The following PIAS2 variants were observed in gnomAD, a reference collection of about 807,000 sequenced individuals.
The protein encoded by PIAS2 is protein inhibitor of activated STAT 2.
PIAS2 carries 19 observed loss-of-function variants against 69.7 expected under a neutral mutation model. The ratio of observed to expected loss-of-function variants is 0.27; its 90% CI spans 0.19 to 0.40. PIAS2 has a LOEUF of 0.40. Among genes scored for constraint, PIAS2 ranks in the 10% least tolerant of loss-of-function variants. The probability of loss-of-function intolerance (pLI) is 1.00; values close to 1 mark genes in which losing one functional copy is unlikely to be tolerated. For missense variants in PIAS2, 624 were observed against 757.0 expected, an observed-to-expected ratio of 0.82 and a Z score of 2.06; for synonymous variants, 261 against 263.2, an observed-to-expected ratio of 0.99 and a Z score of 0.08.
Position 46,917,384 on chromosome 18 carries a change from A to C in PIAS2, c.-39T>G. ...CGGGCGCCGCCGCCGCTGCCGCCGC[A>C]CCCACTCCCGCTGCCGCCAACGACG... On this transcript the variant is annotated 5_prime_UTR_variant, in exon 1 of 14. Transcript: ENST00000585916. 2 of 1,442,688 alleles carry C rather than the reference A, an allele frequency of 1.4e-6. No individual in the cohort carries two copies. The highest frequency in any genetic ancestry group is 9.2e-7 in the Non-Finnish European group (1 of 1,091,036). 89.4% of individuals were successfully genotyped at this position (1,442,688 alleles called of 1,614,324 possible). A position where few individuals can be genotyped will look rare whatever the true frequency, so the allele number is the denominator to read the frequency against.
intron 2 of PIAS2, among the ~76,000 whole-genome samples, chr18:46,870,274 G>C (rs1311777285): frequency 6.6e-5 from 10 of 150,930 alleles, no homozygotes; most frequent in Admixed American, 6.6e-4. Context: ...GAAGGAATCG[G>C]CTTTGTAAAT....
At chr18:46,840,363 C>G (rs1298056073) in intron 8 of PIAS2, among the ~76,000 whole-genome samples, 1 of 152,028 alleles carries the variant, frequency 6.6e-6, no homozygotes, top group Non-Finnish European at 1.5e-5. Flanking sequence ...CTTTATGCTC[C>G]TAAGAGAAAA....
At chr18:46,835,199 A>T (rs1240422863) in intron 9 of PIAS2, among the ~76,000 whole-genome samples, 1 of 152,246 alleles carries the variant, frequency 6.6e-6, no homozygotes, top group Non-Finnish European at 1.5e-5. Context: ...ACAAATGCAC[A>T]CACCAAAAAT....
intron 1 of PIAS2, among the ~76,000 whole-genome samples, chr18:46,899,550 C>T (rs2146129732): frequency 6.6e-6 from 1 of 152,306 alleles, no homozygotes. Flanking sequence ...TCACTGCAGC[C>T]TCAACCTCCT....
chr18:46,826,074 A>G (rs1435888779), intron 11 of PIAS2, among the ~76,000 whole-genome samples: 3 of 152,234 alleles, frequency 2.0e-5, no homozygotes, highest in Non-Finnish European at 4.4e-5. Context: ...CATCAGCTTC[A>G]TGGAACGAAC....
intron 11 of PIAS2, among the ~76,000 whole-genome samples, chr18:46,822,194 T>C (rs916718133): frequency 6.6e-6 from 1 of 152,208 alleles, no homozygotes; most frequent in Admixed American, 6.5e-5. Flanking sequence ...TCAATTTAAA[T>C]GTCAAACCAC....
intron 8 of PIAS2, among the ~76,000 whole-genome samples, chr18:46,839,863 CAAA>C (rs58855520): frequency 4.2e-5 from 3 of 70,692 alleles, no homozygotes. Context: ...AAAACTCTGT[CAAA>C]AAAAAAAAAA....
chr18:46,897,091 G>A lies in PIAS2; in HGVS notation c.25-6037C>T, dbSNP rs562311757. ...GAGTGTTTCAATAACTCAAAAGTTT[G>A]CTTGAACAGGGGAAACTGGGTGTGG... On this transcript the variant is annotated intron_variant, in intron 1 of 13. Coordinates refer to ENST00000585916, the MANE Select transcript of PIAS2 (RefSeq NM_004671.5). 1.1e-4 allele frequency among the ~76,000 whole-genome samples: 16 copies of A among 152,266 alleles called. No individual in the cohort carries two copies. In the South Asian group the frequency reaches 3.1e-3, roughly 30 times the overall value.
At chr18:46,817,999 T>C in intron 12 of PIAS2, 1 of 986,830 alleles carries the variant, frequency 1.0e-6, no homozygotes, top group Non-Finnish European at 1.2e-6. Context: ...TATATTTTTA[T>C]GCCCTCCGAA....
At chr18:46,879,603 G>A (rs917035974) in intron 2 of PIAS2, among the ~76,000 whole-genome samples, 1 of 152,162 alleles carries the variant, frequency 6.6e-6, no homozygotes, top group African/African-American at 2.4e-5. Context: ...AGAGATGTTT[G>A]TATACTCACA....
intron 1 of PIAS2, among the ~76,000 whole-genome samples, chr18:46,894,465 T>C (rs1315114557): frequency 6.6e-6 from 1 of 152,092 alleles, no homozygotes; most frequent in East Asian, 1.9e-4. Context: ...TTCCAAGCGG[T>C]TTTTCCACTC....
chr18:46,825,689 C>G (rs2042755776), intron 11 of PIAS2, among the ~76,000 whole-genome samples: 2 of 152,162 alleles, frequency 1.3e-5, no homozygotes, highest in South Asian at 4.1e-4. Context: ...GGATCCTGGA[C>G]ACTATGCTTA....
chr18:46,849,198 T>A (rs7235236), intron 5 of PIAS2, among the ~76,000 whole-genome samples: 1,987 of 152,234 alleles, frequency 0.013, 42 homozygotes, highest in African/African-American at 0.044. Context: ...AAGAATGAAG[T>A]GTCAGCAAAC....
chr18:46,888,804 TTCCTGCTGCTCACC>T (rs529727048), intron 2 of PIAS2, among the ~76,000 whole-genome samples: 15 of 152,154 alleles, frequency 9.9e-5, no homozygotes, highest in African/African-American at 3.4e-4. Flanking sequence ...AATGCTCGAA[TTCCTGCTGCTCACC>T]TCCTGCTGCT....
chr18:46,836,249 C>A, intron 9 of PIAS2, 108 bp downstream of exon 9: 1 of 803,690 alleles, frequency 1.2e-6, no homozygotes, highest in South Asian at 1.8e-5. Context: ...TGGATTTATG[C>A]TAGAGTAGAA....
chr18:46,837,472 C>A (rs780275458), intron 8 of PIAS2, among the ~76,000 whole-genome samples: 2 of 152,078 alleles, frequency 1.3e-5, no homozygotes, highest in African/African-American at 4.8e-5. Context: ...TATTTATAGG[C>A]ACTCTTTATA....
At chr18:46,911,738 C>T (rs1219753014) in intron 1 of PIAS2, among the ~76,000 whole-genome samples, 1 of 152,160 alleles carries the variant, frequency 6.6e-6, no homozygotes. Flanking sequence ...GCCAATGTAA[C>T]AGTACTAACC....
intron 3 of PIAS2, among the ~76,000 whole-genome samples, chr18:46,863,417 C>G (rs1008771355): frequency 1.3e-5 from 2 of 152,038 alleles, no homozygotes; most frequent in Non-Finnish European, 2.9e-5. Context: ...CTCGACCTCC[C>G]AGGCTCAAGT....
At chr18:46,855,220 T>C (rs569674229) in intron 5 of PIAS2, 125 bp downstream of exon 5, 390 of 563,114 alleles carry the variant, frequency 6.9e-4, no homozygotes, top group Admixed American at 1.0e-3. Flanking sequence ...TAGTGGAAAA[T>C]AGTATTTAAT....
Sources: gnomAD v4.1 joint callset for allele counts (sites outside exome capture counted in the v4.1 genomes callset) on GRCh38, gnomAD v4.1.1 for gene constraint, MANE v1.5 for transcripts, NCBI Gene and HGNC (gene_info 2026-07-23, HGNC 2026-07-21) for gene names.